The following TMPRSS11F variants were observed in gnomAD, a reference collection of about 807,000 sequenced individuals.
TMPRSS11F encodes transmembrane protease serine 11F.
TMPRSS11F carries 47 observed loss-of-function variants against 60.2 expected under a neutral mutation model. The ratio of observed to expected loss-of-function variants is 0.78; its 90% CI spans 0.62 to 1.00. The LOEUF is 1.00. TMPRSS11F is among the 50% of genes least tolerant of loss of function. The pLI is 0.00. For synonymous variants in TMPRSS11F, 166 were observed against 167.3 expected (o/e 0.99, Z 0.06); for missense variants, 519 against 522.9 (o/e 0.99, Z 0.07).
At position 68,072,314 on chromosome 4, in the gene TMPRSS11F, A is replaced by G; in HGVS notation, c.514+9T>C. 1 of 1,492,688 alleles carries G rather than the reference A, an allele frequency of 6.7e-7. No individual in the cohort carries two copies. Among genetic ancestry groups the G allele is most frequent in the Non-Finnish European group, 9.0e-7 (1 of 1,115,976 alleles). The allele number at this position is 1,492,688 out of a possible 1,614,324, so 92.5% of individuals were successfully genotyped here. On this transcript the variant is annotated intron_variant, in intron 5 of 9. Transcript: ENST00000356291. ...TGACAAAAGTGGCAAATAAAAATAA[A>G]AGACTTACGTGTGAGTCTAAATGAT... is the stretch of plus-strand genomic sequence containing the variant.
chr4:68,120,376 CTTTTTTTTTT>C (rs34843345), intron 1 of TMPRSS11F, among the ~76,000 whole-genome samples: 2 of 123,802 alleles, frequency 1.6e-5, no homozygotes, highest in African/African-American at 6.4e-5. Flanking sequence ...ACAGAGAAAT[CTTTTTTTTTT>C]TTTTTTTTTT....
intron 3 of TMPRSS11F, among the ~76,000 whole-genome samples, chr4:68,084,172 A>G (rs1454138141): frequency 2.6e-5 from 4 of 152,256 alleles, no homozygotes; most frequent in South Asian, 2.1e-4. Context: ...AGATTATGTA[A>G]AGAGACCAAA....
intron 8 of TMPRSS11F, among the ~76,000 whole-genome samples, chr4:68,064,158 A>G (rs1723269235): frequency 6.8e-6 from 1 of 146,008 alleles, no homozygotes; most frequent in Non-Finnish European, 1.5e-5. Context: ...TGAGCAGTTG[A>G]GGAGATTTCT....
chr4:68,104,065 AT>A (rs934365125), intron 1 of TMPRSS11F, among the ~76,000 whole-genome samples: 1 of 152,044 alleles, frequency 6.6e-6, no homozygotes, highest in Non-Finnish European at 1.5e-5. Flanking sequence ...CATCTTTGGG[AT>A]TTATACATTT....
intron 9 of TMPRSS11F, among the ~76,000 whole-genome samples, chr4:68,056,237 G>T (rs1723042863): frequency 6.6e-6 from 1 of 152,182 alleles, no homozygotes; most frequent in African/African-American, 2.4e-5. Context: ...ACATGAAATT[G>T]TCTTTGTGTG....
Position 68,114,480 on chromosome 4 carries a change from C to T in TMPRSS11F, c.11+15330G>A, listed in dbSNP as rs1724472666. Among the ~76,000 whole-genome samples, 4 of 152,076 alleles carry T rather than the reference C, an allele frequency of 2.6e-5. No individual in the cohort carries two copies. The South Asian group carries it at 8.3e-4, about 32-fold the overall frequency. ...GCTCATGTAGATAAAATGGATAAAT[C>T]TTTTTGAAATACAAAAACTTTCAAA... On this transcript the variant is annotated intron_variant, in intron 1 of 9. Coordinates refer to ENST00000356291, the MANE Select transcript of TMPRSS11F (RefSeq NM_207407.2).
At chr4:68,099,771 G>A (rs986159506) in intron 1 of TMPRSS11F, among the ~76,000 whole-genome samples, 1 of 152,042 alleles carries the variant, frequency 6.6e-6, no homozygotes, top group Non-Finnish European at 1.5e-5. Context: ...AAAGTCCATA[G>A]AATAGGACCT....
At chr4:68,099,108 G>T in intron 1 of TMPRSS11F, 70 bp from the exon 2 acceptor site, 3 of 1,314,818 alleles carry the variant, frequency 2.3e-6, no homozygotes, top group Non-Finnish European at 3.2e-6. Flanking sequence ...TACTTACTAT[G>T]TTCCTCTATG....
At chr4:68,072,713 T>C (rs981457328) in intron 4 of TMPRSS11F, among the ~76,000 whole-genome samples, 6 of 152,088 alleles carry the variant, frequency 3.9e-5, no homozygotes, top group Non-Finnish European at 7.4e-5. Context: ...CTGGATAAAA[T>C]ACCTACCTGA....
rs1560395071 is a variant in TMPRSS11F at position 68,068,647 on chromosome 4, C to G, written c.726G>C (p.Trp242Cys). 6.2e-7 allele frequency: 1 copy of G among 1,614,164 alleles called. No homozygotes were observed. The highest frequency in any genetic ancestry group is 1.7e-5 in the Admixed American group (1 of 60,032). ...QCGASLISNT[W>C]LLTAAHCFWK... ...AAAAGCAGTGAGCTGCTGTGAGCAG[C>G]CATGTGTTACTGATGAGGCTGGCTC... Residue 242 changes from tryptophan to cysteine, a missense_variant, in exon 7 of 10, where the codon TGG (tryptophan) becomes TGC (cysteine). By Grantham distance (215) the Trp-to-Cys change is radical (BLOSUM62 -2). Transcript: ENST00000356291.
chr4:68,075,889 A>G (rs945360651), intron 3 of TMPRSS11F, among the ~76,000 whole-genome samples: 2 of 151,956 alleles, frequency 1.3e-5, no homozygotes, highest in African/African-American at 4.8e-5. Context: ...GCTACTCGGG[A>G]GGCTGAAGCA....
chr4:68,083,382 A>G (rs1192710154), intron 3 of TMPRSS11F, among the ~76,000 whole-genome samples: 1 of 152,134 alleles, frequency 6.6e-6, no homozygotes, highest in Non-Finnish European at 1.5e-5. Context: ...CAACGCCACA[A>G]CCACAGAGCA....
At chr4:68,112,095 G>A (rs1724419356) in intron 1 of TMPRSS11F, among the ~76,000 whole-genome samples, 1 of 152,120 alleles carries the variant, frequency 6.6e-6, no homozygotes, top group Admixed American at 6.5e-5. Flanking sequence ...CTGCTCAAAT[G>A]TCTTCTTCTA....
chr4:68,095,959 C>G (rs1724067185), intron 2 of TMPRSS11F, among the ~76,000 whole-genome samples: 1 of 149,160 alleles, frequency 6.7e-6, no homozygotes, highest in South Asian at 2.1e-4. Context: ...TGCATAGTTC[C>G]TAGACAAACT....
intron 3 of TMPRSS11F, among the ~76,000 whole-genome samples, chr4:68,087,923 T>C (rs1723848732): frequency 7.4e-6 from 1 of 136,038 alleles, no homozygotes; most frequent in Non-Finnish European, 1.5e-5. Context: ...CCTGTGTCCA[T>C]GTGTTCTCAT....
At position 68,064,956 on chromosome 4, in the gene TMPRSS11F, T is replaced by G; in HGVS notation, c.756-12A>C. The G allele has an allele frequency of 1.2e-6, 2 of 1,602,782 alleles. No individual in the cohort carries two copies. Among genetic ancestry groups the G allele is most frequent in the Non-Finnish European group, 1.7e-6 (2 of 1,175,286 alleles). ...TTGGGTCTTTATTTCTGCAAAAAATTAAAAAGTAATACTTGTGATGCTTGA... is the reference window on the plus strand; with the variant it reads ...TTGGGTCTTTATTTCTGCAAAAAATGAAAAAGTAATACTTGTGATGCTTGA... On this transcript the variant is annotated splice_polypyrimidine_tract_variant and intron_variant, in intron 7 of 9. Coordinates refer to ENST00000356291, the MANE Select transcript of TMPRSS11F (RefSeq NM_207407.2).
chr4:68,063,389 T>C (rs983249604), intron 8 of TMPRSS11F: 8 of 385,824 alleles, frequency 2.1e-5, no homozygotes, highest in Admixed American at 6.8e-5. Context: ...TTGTTTTTGT[T>C]TGTTTTGAGA....
intron 3 of TMPRSS11F, among the ~76,000 whole-genome samples, chr4:68,083,025 G>A (rs183433343): frequency 6.6e-6 from 1 of 152,302 alleles, no homozygotes; most frequent in Admixed American, 6.5e-5. Flanking sequence ...AAGCTGGGCA[G>A]GCCCCACAGC....
intron 1 of TMPRSS11F, among the ~76,000 whole-genome samples, chr4:68,119,153 G>T (rs1475793610): frequency 6.6e-6 from 1 of 152,042 alleles, no homozygotes; most frequent in Non-Finnish European, 1.5e-5. Flanking sequence ...ATGTGTTAAG[G>T]CCATAGCCTA....
Sources: gnomAD v4.1 joint callset for allele counts (sites outside exome capture counted in the v4.1 genomes callset) on GRCh38, gnomAD v4.1.1 for gene constraint, MANE v1.5 for transcripts, NCBI Gene and HGNC (gene_info 2026-07-23, HGNC 2026-07-21) for gene names.